POLE3: variants seen among roughly 807,000 people sequenced by gnomAD.
POLE3 encodes the protein DNA polymerase epsilon 3, accessory subunit, also known as DNA polymerase epsilon subunit 3.
Under a neutral mutation model 16.1 loss-of-function variants are expected in POLE3, and 10 were observed. That is an observed-to-expected ratio of 0.62 (90% CI 0.38 to 1.05). POLE3 has a LOEUF of 1.05. Ranked by LOEUF, POLE3 falls within the 50% of genes least tolerant of loss-of-function variation. POLE3 has a pLI of 0.01. For synonymous variants in POLE3, 83 were observed against 71.0 expected (o/e 1.17, Z -0.85); for missense variants, 169 against 185.0 (o/e 0.91, Z 0.50).
chr9:113,409,855 G>A (rs1828046065), intron 3 of POLE3, 127 bp from the exon 4 acceptor site: 4 of 782,090 alleles, frequency 5.1e-6, no homozygotes, highest in East Asian at 2.4e-5. Context: ...ACAGGGATAA[G>A]TCCTTCCCTT....
rs3827674 is a variant in POLE3, at chr9:113,408,995, G to A, written c.272-12C>T. 88,787 of 1,611,704 alleles carry A rather than the reference G, an allele frequency of 0.055. 2,814 individuals are homozygous for A. The highest frequency in any genetic ancestry group is 0.099 in the South Asian group (9,000 of 90,990). On this transcript the variant is annotated splice_polypyrimidine_tract_variant and intron_variant, in intron 4 of 4. Coordinates refer to ENST00000374171, the MANE Select transcript of POLE3 (RefSeq NM_017443.5). ...CTCCCGCCTATATGCTGTAAGGACG[G>A]AACAAGGGGTTAGGAGACAGAGCTG... is the stretch of plus-strand genomic sequence containing the variant.
At position 113,408,761 on chromosome 9, in the gene POLE3, C is replaced by T. The variant is rs199684062; in HGVS notation, c.*50G>A. On this transcript the variant is annotated 3_prime_UTR_variant, in exon 5 of 5. Transcript: ENST00000374171. Reference sequence around the variant, plus strand: ...AAAAGCTTCACAGAAACACGTAGCACGTCTCATTTCAAGTGGTACCTTCCA... The same window carrying T: ...AAAAGCTTCACAGAAACACGTAGCATGTCTCATTTCAAGTGGTACCTTCCA... 408 of 1,437,510 alleles carry T rather than the reference C, an allele frequency of 2.8e-4. No individual in the cohort carries two copies. The highest frequency in any genetic ancestry group is 3.8e-4 in the Non-Finnish European group (391 of 1,026,076). 89.0% of individuals were successfully genotyped at this position (1,437,510 alleles called of 1,614,324 possible). A position where few individuals can be genotyped will look rare whatever the true frequency, so the allele number is the denominator to read the frequency against.
chr9:113,410,438 A>C, intron 1 of POLE3, 30 bp from the exon 2 acceptor site: 1 of 692,194 alleles, frequency 1.4e-6, no homozygotes, highest in Non-Finnish European at 2.5e-6. Context: ...TCTGAGCGCC[A>C]TAGCCTCCCT....
Position 113,408,827 on chromosome 9 carries a change from T to A in POLE3, c.428A>T (p.Glu143Val), listed in dbSNP as rs764792017. 5 of 1,613,638 alleles carry A rather than the reference T, an allele frequency of 3.1e-6. No homozygotes were observed. The highest frequency in any genetic ancestry group is 1.1e-5 in the South Asian group (1 of 91,068). The change falls in exon 5 of 5, where the codon GAA becomes GTA. Residue 143 changes from glutamate (E) to valine (V), a missense_variant. Physicochemically the swap from Glu to Val is moderately radical, Grantham distance 121. Transcript: ENST00000374171. ...CCGCCCTTTTCAGTTGTCTACTTCT[T>A]CCTCTTCATTCTGTTCTTCTTCTTC... ...RLEEEEQNEE[E>V]EVDN
rs1470283567 is a variant in POLE3, at chr9:113,408,152, T to C, written c.*659A>G. On this transcript the variant is annotated 3_prime_UTR_variant, in exon 5 of 5. Coordinates refer to ENST00000374171, the MANE Select transcript of POLE3 (RefSeq NM_017443.5). ...ATTCCACACTGCTGATTTAAGAATA[T>C]CTGTGATCAGATTACTACCACACCA... 1 of 152,300 alleles carries C rather than the reference T, an allele frequency of 6.6e-6. No homozygotes were observed. Among genetic ancestry groups the C allele is most frequent in the South Asian group, 2.1e-4 (1 of 4,832 alleles). The allele number at this position is 152,300 out of a possible 1,614,324, so 9.4% of individuals were successfully genotyped here.
chr9:113,407,623 T>A lies in POLE3; in HGVS notation c.*1188A>T, dbSNP rs1247390937. 1 of 152,232 alleles carries A rather than the reference T, an allele frequency of 6.6e-6. No individual in the cohort carries two copies. Among genetic ancestry groups the A allele is most frequent in the African/African-American group, 2.4e-5 (1 of 41,350 alleles). The allele number at this position is 152,232 out of a possible 1,614,324, so 9.4% of individuals were successfully genotyped here. On this transcript the variant is annotated 3_prime_UTR_variant, in exon 5 of 5. Transcript: ENST00000374171. The stretch of plus-strand genomic sequence containing the variant: ...TACTCAGGAGGCTCAGGCGGGAGGA[T>A]CACCTGAGCCCAGGATTTCAAGGAT...
chr9:113,409,046 G>T, intron 4 of POLE3, 63 bp from the exon 5 acceptor site: 1 of 1,465,460 alleles, frequency 6.8e-7, no homozygotes, highest in Non-Finnish European at 9.4e-7. Flanking sequence ...GACTGCAGGA[G>T]CTAATTACAT....
Position 113,410,622 on chromosome 9 carries a change from T to G in POLE3, c.-121A>C. 1 of 432,936 alleles carries G rather than the reference T, an allele frequency of 2.3e-6. No homozygotes were observed. Among genetic ancestry groups the G allele is most frequent in the Non-Finnish European group, 4.3e-6 (1 of 234,304 alleles). The allele number at this position is 432,936 out of a possible 1,614,324, so 26.8% of individuals were successfully genotyped here. On this transcript the variant is annotated 5_prime_UTR_variant, in exon 1 of 5. Transcript: ENST00000374171. ...CGCGTCGGGAACCTTCTCACCAACT[T>G]ATTTGGCTCAATGGAGCTTCCGTCC... is the stretch of plus-strand genomic sequence containing the variant.
rs1161256043 is a variant in POLE3 at position 113,408,729 on chromosome 9, A to G, written c.*82T>C. The G allele has an allele frequency of 3.4e-6, 4 of 1,179,400 alleles. No individual in the cohort carries two copies. In the Admixed American group the frequency reaches 7.7e-5, roughly 23 times the overall value. The allele number at this position is 1,179,400 out of a possible 1,614,324, so 73.1% of individuals were successfully genotyped here. On this transcript the variant is annotated 3_prime_UTR_variant, in exon 5 of 5. Transcript: ENST00000374171. ...ACTTTTGCCTGAGACTACTCTGCCC[A>G]GCATGGAAAAGCTTCACAGAAACAC... is the stretch of plus-strand genomic sequence containing the variant.
intron 3 of POLE3, 134 bp from the exon 4 acceptor site, chr9:113,409,862 C>A: frequency 2.6e-6 from 2 of 767,452 alleles, no homozygotes; most frequent in East Asian, 2.5e-5. Context: ...TAAGTCCTTC[C>A]CTTCTCTGCA....
intron 3 of POLE3, 49 bp downstream of exon 3, chr9:113,410,006 C>A: frequency 6.8e-7 from 1 of 1,472,510 alleles, no homozygotes; most frequent in Non-Finnish European, 9.2e-7. Flanking sequence ...CAGCCAGCAA[C>A]TCCCAGCCAG....
Position 113,408,599 on chromosome 9 carries a change from A to T in POLE3, c.*212T>A. ...CTCTTGTCAAAAGGCCATAACCTTCAGATTGATGAAGCAAAACAGGATTCT... is the reference window on the plus strand; with the variant it reads ...CTCTTGTCAAAAGGCCATAACCTTCTGATTGATGAAGCAAAACAGGATTCT... On this transcript the variant is annotated 3_prime_UTR_variant, in exon 5 of 5. Transcript: ENST00000374171. 4.4e-6 allele frequency: 2 copies of T among 458,284 alleles called. No homozygotes were observed. 28.4% of individuals were successfully genotyped at this position (458,284 alleles called of 1,614,324 possible).
In POLE3 at chr9:113,408,910, GTC is replaced by G. The variant is rs1340668750; in HGVS notation, c.343_344del (p.Asp115LeufsTer10). On this transcript the variant is annotated frameshift_variant, in exon 5 of 5. Coordinates refer to ENST00000374171, the MANE Select transcript of POLE3 (RefSeq NM_017443.5). LOFTEE classifies it high-confidence loss of function. ...CCCTGCTCTTGTCTTGCTCTTCCGA[GTC>G]TGTTTTTTTGTCTTTGTCCTTCTTC... is the stretch of plus-strand genomic sequence containing the variant. ...QKKKDKDKKT[D>X]SEEQDKSRDE... 38 of 1,612,658 alleles carry G rather than the reference GTC, an allele frequency of 2.4e-5. No homozygotes were observed. The highest frequency in any genetic ancestry group is 3.1e-5 in the Non-Finnish European group (36 of 1,179,370).
chr9:113,408,873 CATT>C lies in POLE3; in HGVS notation c.379_381del (p.Asn127del), dbSNP rs3841000. On this transcript the variant is annotated inframe_deletion, in exon 5 of 5. Transcript: ENST00000374171. Reference sequence around the variant, plus strand: ...TCTTCCAGCCTTTCTTCGTCTTCATCATTGTCCTCATCCCTGCTCTTGTCTTGC... The same window carrying C: ...TCTTCCAGCCTTTCTTCGTCTTCATCGTCCTCATCCCTGCTCTTGTCTTGC... 251 of 1,612,772 alleles carry C rather than the reference CATT, an allele frequency of 1.6e-4. 2 individuals carry two copies. The East Asian group carries it at 5.6e-3, about 36-fold the overall frequency.
At position 113,409,724 on chromosome 9, in the gene POLE3, T is replaced by C. The variant is rs1828039073; in HGVS notation, c.157A>G (p.Asn53Asp). ...VFVLYATSCA[N>D]NFAMKGKRKT... ...CGCTTTCCTTTCATTGCAAAGTTGT[T>C]AGCACTGAGAGAAGAGAAAGGCTGT... is the stretch of plus-strand genomic sequence containing the variant. Residue 53 changes from asparagine (N) to aspartate (D), a missense_variant, in exon 4 of 5, where the codon AAC (asparagine) becomes GAC (aspartate). Coordinates refer to ENST00000374171, the MANE Select transcript of POLE3 (RefSeq NM_017443.5). The C allele has an allele frequency of 6.3e-7, 1 of 1,597,002 alleles. No homozygotes were observed. Among genetic ancestry groups the C allele is most frequent in the South Asian group, 1.1e-5 (1 of 90,738 alleles).
Position 113,409,122 on chromosome 9 carries a change from G to A in POLE3, c.272-139C>T, listed in dbSNP as rs570959009. ...CACGCCTGTAATCCCAGCACTTTGG[G>A]AGGCTGAGACGGGCGGATCACCTGA... On this transcript the variant is annotated intron_variant, in intron 4 of 4. Coordinates refer to ENST00000374171, the MANE Select transcript of POLE3 (RefSeq NM_017443.5). 17 of 698,602 alleles carry A rather than the reference G, an allele frequency of 2.4e-5. No individual in the cohort carries two copies. In the South Asian group the frequency reaches 2.8e-4, roughly 12 times the overall value. 43.3% of individuals were successfully genotyped at this position (698,602 alleles called of 1,614,324 possible).
At chr9:113,409,034 C>T (rs527675611) in intron 4 of POLE3, 51 bp from the exon 5 acceptor site, 12 of 1,538,958 alleles carry the variant, frequency 7.8e-6, no homozygotes, top group South Asian at 1.1e-5. Flanking sequence ...GTGAGCCAGA[C>T]GGACTGCAGG....
chr9:113,409,014 A>C lies in POLE3; in HGVS notation c.272-31T>G, dbSNP rs199563852. On this transcript the variant is annotated intron_variant, in intron 4 of 4. Transcript: ENST00000374171. ...AGGACGGAACAAGGGGTTAGGAGAC[A>C]GAGCTGAAAGTGAGCCAGACGGACT... The C allele has an allele frequency of 4.5e-4, 726 of 1,603,804 alleles. 7 individuals carry two copies. In the South Asian group the frequency reaches 6.8e-3, roughly 15 times the overall value.
At position 113,407,678 on chromosome 9, in the gene POLE3, C is replaced by G. The variant is rs778604576; in HGVS notation, c.*1133G>C. 4 of 152,264 alleles carry G rather than the reference C, an allele frequency of 2.6e-5. No homozygotes were observed. Among genetic ancestry groups the G allele is most frequent in the Non-Finnish European group, 4.4e-5 (3 of 68,064 alleles). 9.4% of individuals were successfully genotyped at this position (152,264 alleles called of 1,614,324 possible). The stretch of plus-strand genomic sequence containing the variant: ...TGAGCTATGATCATGCCACTGCACT[C>G]CAGCCTGGGCCACAGAGTGAGAGAC... On this transcript the variant is annotated 3_prime_UTR_variant, in exon 5 of 5. Transcript: ENST00000374171.
Sources: gnomAD v4.1 joint callset for allele counts on GRCh38, gnomAD v4.1.1 for gene constraint, MANE v1.5 for transcripts, NCBI Gene and HGNC (gene_info 2026-07-23, HGNC 2026-07-21) for gene names.